The following FGF13 variants were observed in gnomAD, a reference collection of about 807,000 sequenced individuals.
FGF13 encodes fibroblast growth factor 13, also known as fibroblast growth factor homologous factor 2.
Under a neutral mutation model 19.5 loss-of-function variants are expected in FGF13, and 2 were observed. The ratio of observed to expected loss-of-function variants is 0.10; its 90% CI spans 0.04 to 0.32. The LOEUF is 0.32. Among genes scored for constraint, FGF13 ranks in the 10% least tolerant of loss-of-function variants. The pLI is 1.00. For synonymous variants in FGF13, 72 were observed against 76.9 expected (o/e 0.94, Z 0.33); for missense variants, 113 against 192.7 (o/e 0.59, Z 2.45).
chrX:139,195,318 T>G (rs1319974343), intron 1 of FGF13, among the ~76,000 whole-genome samples: 1 of 111,968 alleles, frequency 8.9e-6, no homozygotes, highest in Non-Finnish European at 1.9e-5. Flanking sequence ...CTTGGAAGCC[T>G]TAATGTTCAA....
chrX:138,972,056 T>TTGTGTGTGTGTGTGTG (rs370317832), intron 1 of FGF13, among the ~76,000 whole-genome samples: 2,752 of 94,883 alleles, frequency 0.029, 30 homozygotes, highest in Non-Finnish European at 0.035. Context: ...TAGTATTCTA[T>TTGTGTGTGTGTGTGTG]TGTGTGTGTG....
chrX:138,912,890 C>T (rs2091595604), intron 1 of FGF13, among the ~76,000 whole-genome samples: 1 of 111,477 alleles, frequency 9.0e-6, no homozygotes. Context: ...GAGTCCTGAA[C>T]AAGTCTCTGG....
chrX:138,933,928 C>T (rs1347507916), intron 1 of FGF13, among the ~76,000 whole-genome samples: 1 of 112,062 alleles, frequency 8.9e-6, no homozygotes, highest in African/African-American at 3.2e-5. Context: ...ATACATTAAA[C>T]TGGATTAAGT....
chrX:138,702,874 T>C (rs943657624), intron 3 of FGF13, 110 bp downstream of exon 3: 1 of 504,123 alleles, frequency 2.0e-6, no homozygotes, highest in Non-Finnish European at 3.5e-6. Flanking sequence ...TCCATCAACA[T>C]TCTTCTCCTC....
intron 3 of FGF13, among the ~76,000 whole-genome samples, chrX:138,798,499 T>C (rs2090797751): frequency 8.9e-6 from 1 of 112,122 alleles, no homozygotes; most frequent in South Asian, 3.8e-4. Flanking sequence ...TCGATGTTCA[T>C]CAGGGATATT....
intron 3 of FGF13, among the ~76,000 whole-genome samples, chrX:138,700,397 G>T (rs17001787): frequency 0.027 from 2,968 of 111,667 alleles, 83 homozygotes; most frequent in African/African-American, 0.087. Flanking sequence ...CGCAAGGGAA[G>T]AGTGATCCTT....
intron 1 of FGF13, among the ~76,000 whole-genome samples, chrX:138,924,293 T>C (rs1251531693): frequency 8.9e-6 from 1 of 111,758 alleles, no homozygotes; most frequent in Non-Finnish European, 1.9e-5. Flanking sequence ...TGCTTTTCTC[T>C]GTGTTGGCTC....
chrX:138,789,154 A>AT (rs771462530), intron 3 of FGF13, among the ~76,000 whole-genome samples: 207 of 110,858 alleles, frequency 1.9e-3, no homozygotes, highest in African/African-American at 6.5e-3. Flanking sequence ...ATACAGGATT[A>AT]TTATTTATTC....
At chrX:139,164,714 A>C in intron 1 of FGF13, among the ~76,000 whole-genome samples, 1 of 109,489 alleles carries the variant, frequency 9.1e-6, no homozygotes, top group Non-Finnish European at 1.9e-5. Flanking sequence ...TAAATAAATA[A>C]ATAAATAAAT....
chrX:138,759,488 T>C (rs2090451914), intron 3 of FGF13, among the ~76,000 whole-genome samples: 1 of 112,337 alleles, frequency 8.9e-6, no homozygotes, highest in South Asian at 3.7e-4. Context: ...TAATGCTGGC[T>C]GAGGAGAAAG....
rs140676141 is a variant in FGF13 at position 138,784,557 on chromosome X, C to G, written c.217+72955G>C. On this transcript the variant is annotated intron_variant, in intron 3 of 6. Transcript: ENST00000436198. ...TCTTTCCTTTTGGAAATACTTTCCA[C>G]CTCCTATCTCATTGGCCAATCTTAA... 8.2e-4 allele frequency among the ~76,000 whole-genome samples: 90 copies of G among 109,521 alleles called. 1 individual carries two copies. The highest frequency in any genetic ancestry group is 1.3e-3 in the Non-Finnish European group (68 of 52,575).
intron 1 of FGF13, among the ~76,000 whole-genome samples, chrX:139,042,005 C>T (rs755351432): frequency 8.9e-6 from 1 of 112,348 alleles, no homozygotes; most frequent in Non-Finnish European, 1.9e-5. Flanking sequence ...GTAGTCTGAA[C>T]ATTCAATCAC....
chrX:139,133,836 C>G (rs1462654826), intron 1 of FGF13, among the ~76,000 whole-genome samples: 1 of 111,861 alleles, frequency 8.9e-6, no homozygotes, highest in Non-Finnish European at 1.9e-5. Flanking sequence ...TCACCTGGAA[C>G]AGTTCAACTC....
chrX:139,136,336 T>C (rs769473073), intron 1 of FGF13, among the ~76,000 whole-genome samples: 1 of 110,140 alleles, frequency 9.1e-6, no homozygotes, highest in South Asian at 4.0e-4. Flanking sequence ...TGTATAGTTA[T>C]TTATCCCTGC....
chrX:138,939,945 T>C (rs1399652119), intron 1 of FGF13, among the ~76,000 whole-genome samples: 1 of 111,877 alleles, frequency 8.9e-6, no homozygotes, highest in Non-Finnish European at 1.9e-5. Flanking sequence ...AACAATGGAA[T>C]TGCTGGGTCA....
chrX:138,788,608 T>G lies in FGF13; in HGVS notation c.217+68904A>C, dbSNP rs186774033. 5.2e-3 allele frequency among the ~76,000 whole-genome samples: 589 copies of G among 112,320 alleles called. 4 individuals are homozygous for G. The highest frequency in any genetic ancestry group is 0.018 in the African/African-American group (551 of 30,904). On this transcript the variant is annotated intron_variant, in intron 3 of 6. Coordinates refer to the FGF13 transcript ENST00000436198. ...AAGCACATTTTCAAGCAAATAACTC[T>G]GTGGTCCTGTCCAATACAATCTAAG...
intron 1 of FGF13, among the ~76,000 whole-genome samples, chrX:138,921,185 C>T (rs990829292): frequency 9.0e-6 from 1 of 111,656 alleles, no homozygotes; most frequent in Non-Finnish European, 1.9e-5. Flanking sequence ...GTATTACTTA[C>T]ATCAAAAGCA....
intron 1 of FGF13, among the ~76,000 whole-genome samples, chrX:138,952,671 C>T (rs1287573303): frequency 3.7e-4 from 41 of 111,372 alleles, no homozygotes; most frequent in African/African-American, 1.3e-3. Flanking sequence ...TTTTTGCAAC[C>T]TACTCATCTG....
intron 1 of FGF13, among the ~76,000 whole-genome samples, chrX:138,737,085 G>C (rs758435810): frequency 9.0e-6 from 1 of 111,668 alleles, no homozygotes; most frequent in Non-Finnish European, 1.9e-5. Flanking sequence ...GGGTTACACA[G>C]AGCACAGCTG....
Sources: gnomAD v4.1 joint callset for allele counts (sites outside exome capture counted in the v4.1 genomes callset) on GRCh38, gnomAD v4.1.1 for gene constraint, MANE v1.5 for transcripts, NCBI Gene and HGNC (gene_info 2026-07-23, HGNC 2026-07-21) for gene names.